The following KIF11 variants were observed in gnomAD, a reference collection of about 807,000 sequenced individuals.
KIF11 encodes kinesin-like protein KIF11.
KIF11 carries 9 observed loss-of-function variants against 121.0 expected under a neutral mutation model. That is an observed-to-expected ratio of 0.07 (90% CI 0.04 to 0.13). The LOEUF is 0.13. Among genes scored for constraint, KIF11 ranks in the 10% least tolerant of loss-of-function variants. The pLI is 1.00. For missense variants in KIF11, 846 were observed against 1,217.5 expected (o/e 0.69, Z 4.54); for synonymous variants, 408 against 421.0 (o/e 0.97, Z 0.38).
At chr10:92,634,753 A>T (rs1444903501) in intron 14 of KIF11, among the ~76,000 whole-genome samples, 2 of 152,174 alleles carry the variant, frequency 1.3e-5, no homozygotes, top group African/African-American at 4.8e-5. Flanking sequence ...GCACCACATG[A>T]TATCAAGGGA....
intron 12 of KIF11, among the ~76,000 whole-genome samples, chr10:92,630,867 CA>C (rs58123701): frequency 1.8e-4 from 18 of 99,994 alleles, no homozygotes; most frequent in Middle Eastern, 6.9e-3. Context: ...AACTCCGTCT[CA>C]AAAAAAAAAA....
intron 10 of KIF11, among the ~76,000 whole-genome samples, chr10:92,627,884 A>C (rs1844696814): frequency 6.6e-6 from 1 of 152,122 alleles, no homozygotes; most frequent in South Asian, 2.1e-4. Flanking sequence ...TTTTTTGATT[A>C]GAGTGGGTAT....
At chr10:92,609,596 G>T in intron 6 of KIF11, 87 bp downstream of exon 6, 3 of 1,317,624 alleles carry the variant, frequency 2.3e-6, no homozygotes, top group Non-Finnish European at 3.1e-6. Context: ...GGTGGGTCAG[G>T]GTATGTGGGT....
chr10:92,648,716 A>T (rs1844948097), intron 19 of KIF11, among the ~76,000 whole-genome samples: 1 of 152,210 alleles, frequency 6.6e-6, no homozygotes, highest in Non-Finnish European at 1.5e-5. Flanking sequence ...CACTGTTTGT[A>T]AAAGGACATT....
intron 6 of KIF11, among the ~76,000 whole-genome samples, chr10:92,610,768 A>G (rs1844487321): frequency 6.6e-6 from 1 of 152,204 alleles, no homozygotes; most frequent in Admixed American, 6.5e-5. Flanking sequence ...AAATGCCATA[A>G]CAATTACAGT....
chr10:92,622,639 TAATAA>T (rs1844630703), intron 10 of KIF11, among the ~76,000 whole-genome samples: 1 of 151,634 alleles, frequency 6.6e-6, no homozygotes, highest in African/African-American at 2.4e-5. Context: ...GAAAAAATAA[TAATAA>T]AATAAATAAA....
At chr10:92,652,431 C>T (rs1354303853) in intron 21 of KIF11, among the ~76,000 whole-genome samples, 2 of 152,110 alleles carry the variant, frequency 1.3e-5, no homozygotes, top group Non-Finnish European at 2.9e-5. Flanking sequence ...TGAGCCACCG[C>T]GCTCGGCCTG....
At chr10:92,611,034 C>A (rs1358351116) in intron 6 of KIF11, among the ~76,000 whole-genome samples, 2 of 151,524 alleles carry the variant, frequency 1.3e-5, no homozygotes, top group Admixed American at 6.6e-5. Context: ...TTCCTTTTTT[C>A]TTGTATGTAG....
At chr10:92,630,116 T>A in intron 11 of KIF11, 60 bp from the exon 12 acceptor site, 1 of 874,108 alleles carries the variant, frequency 1.1e-6, no homozygotes, top group Non-Finnish European at 1.7e-6. Context: ...TTTTCTAATC[T>A]TATGAACTAG....
rs1194785968 is a variant in KIF11, at chr10:92,613,997, T to TA, written c.1032+387dup. On this transcript the variant is annotated intron_variant, in intron 8 of 21. Transcript: ENST00000260731. This position sits in a 1 kb window ranked among gnomAD's most constrained non-coding sequence, Gnocchi z 4.2. ...TCTCAAAAAAAAAAAAGTATGTGTA[T>TA]AAAAAAAAAGAAAAGTATGTGTATA... Among the ~76,000 whole-genome samples, 26 of 117,944 alleles carry TA rather than the reference T, an allele frequency of 2.2e-4. No individual in the cohort carries two copies. Among genetic ancestry groups the TA allele is most frequent in the African/African-American group, 6.7e-4 (20 of 29,714 alleles). 77.4% of individuals were successfully genotyped at this position (117,944 alleles called of 152,430 possible).
At chr10:92,616,861 A>T in intron 9 of KIF11, 29 bp downstream of exon 9, 3 of 1,206,364 alleles carry the variant, frequency 2.5e-6, no homozygotes, top group Non-Finnish European at 2.4e-6. Context: ...AGAGTAATGT[A>T]ATCTTGTTTG....
At chr10:92,594,542 C>G (rs1463690023) in intron 1 of KIF11, among the ~76,000 whole-genome samples, 1 of 152,184 alleles carries the variant, frequency 6.6e-6, no homozygotes, top group African/African-American at 2.4e-5. Context: ...TTTAATAAAA[C>G]CAGGCAATAT....
intron 1 of KIF11, 25 bp downstream of exon 1, chr10:92,593,477 C>G (rs764429685): frequency 1.3e-6 from 2 of 1,594,516 alleles, no homozygotes; most frequent in Admixed American, 1.8e-5. Context: ...GACAGGATTC[C>G]GAGCGCTGCG....
At chr10:92,634,699 T>C (rs768777208) in intron 14 of KIF11, among the ~76,000 whole-genome samples, 9 of 152,078 alleles carry the variant, frequency 5.9e-5, no homozygotes, top group African/African-American at 2.2e-4. Flanking sequence ...ACATTAGGAG[T>C]AGCAGTTATT....
chr10:92,634,027 G>A (rs564442350), intron 14 of KIF11, among the ~76,000 whole-genome samples: 4 of 152,032 alleles, frequency 2.6e-5, no homozygotes, highest in South Asian at 4.2e-4. Context: ...TCGCTCTGTC[G>A]TCCAGGAGTG....
chr10:92,651,316 C>T (rs1589609314), intron 21 of KIF11, among the ~76,000 whole-genome samples: 1 of 151,990 alleles, frequency 6.6e-6, no homozygotes. Context: ...GCGTGAGCCA[C>T]TGTGCCCAGC....
chr10:92,607,078 GT>G (rs1844438725), intron 3 of KIF11, 80 bp from the exon 4 acceptor site: 1 of 843,378 alleles, frequency 1.2e-6, no homozygotes, highest in South Asian at 1.5e-5. Context: ...TGCCTGGCTT[GT>G]TTTTTGTTTT....
At position 92,613,317 on chromosome 10, in the gene KIF11, GAA is replaced by G. The variant is rs1176987036; in HGVS notation, c.790-58_790-57del. ...AATACATTATGTATCCTGTGAGAATGAAAGTCTTTGAATCCAAATCCAATAGA... is the reference window on the plus strand; with the variant it reads ...AATACATTATGTATCCTGTGAGAATGAGTCTTTGAATCCAAATCCAATAGA... On this transcript the variant is annotated intron_variant, in intron 7 of 21. Coordinates refer to ENST00000260731, the MANE Select transcript of KIF11 (RefSeq NM_004523.4). This position sits in a 1 kb window ranked among gnomAD's most constrained non-coding sequence, Gnocchi z 4.2. 7.9e-7 allele frequency: 1 copy of G among 1,258,000 alleles called. No homozygotes were observed. Among genetic ancestry groups the G allele is most frequent in the African/African-American group, 1.5e-5 (1 of 65,910 alleles). 77.9% of individuals were successfully genotyped at this position (1,258,000 alleles called of 1,614,324 possible). A position where few individuals can be genotyped will look rare whatever the true frequency, so the allele number is the denominator to read the frequency against.
rs11818332 is a variant in KIF11 at position 92,593,681 on chromosome 10, T to C, written c.77+229T>C. Among the ~76,000 whole-genome samples the C allele has an allele frequency of 0.15, 22,705 of 152,200 alleles. 3,605 individuals carry two copies. Among genetic ancestry groups the C allele is most frequent in the African/African-American group, 0.4 (16,505 of 41,484 alleles). On this transcript the variant is annotated intron_variant, in intron 1 of 21. Transcript: ENST00000260731. ...TTCCATACTGAAAAGTGCGTTCTTATGTTTAAACTATAGTCAATAAAGATG... is the reference window on the plus strand; with the variant it reads ...TTCCATACTGAAAAGTGCGTTCTTACGTTTAAACTATAGTCAATAAAGATG...
Sources: allele counts gnomAD v4.1 joint callset (sites outside exome capture counted in the v4.1 genomes callset), GRCh38; gene constraint gnomAD v4.1.1; non-coding constraint Gnocchi (gnomAD v3.1); transcripts MANE v1.5; gene names NCBI Gene and HGNC (gene_info 2026-07-23, HGNC 2026-07-21).